Variants in ANKRD13C observed in about 807,000 individuals in gnomAD.
The protein encoded by ANKRD13C is ankyrin repeat domain-containing protein 13C.
Under a neutral mutation model 65.5 loss-of-function variants are expected in ANKRD13C, and 16 were observed. The observed-to-expected ratio is 0.24, with a 90% CI of 0.17 to 0.37. The LOEUF (loss-of-function observed/expected upper bound fraction) is 0.37. Ranked by LOEUF, ANKRD13C falls within the 10% of genes least tolerant of loss-of-function variation. The pLI is 1.00. For missense variants in ANKRD13C, 503 were observed against 655.9 expected, an observed-to-expected ratio of 0.77 and a Z score of 2.55; for synonymous variants, 235 against 238.7, an observed-to-expected ratio of 0.98 and a Z score of 0.14.
chr1:70,272,237 T>C (rs1041135002), intron 11 of ANKRD13C, among the ~76,000 whole-genome samples: 3 of 152,078 alleles, frequency 2.0e-5, no homozygotes, highest in Non-Finnish European at 4.4e-5. Context: ...ATTTCTTTTT[T>C]TTTTTGAGAT....
intron 1 of ANKRD13C, among the ~76,000 whole-genome samples, chr1:70,341,150 T>G (rs1393243933): frequency 2.0e-5 from 3 of 152,116 alleles, no homozygotes; most frequent in African/African-American, 7.2e-5. Context: ...TATACCAACT[T>G]TTTTGAATTG....
chr1:70,271,966 TCA>T (rs1442146263), intron 11 of ANKRD13C, among the ~76,000 whole-genome samples: 1 of 152,224 alleles, frequency 6.6e-6, no homozygotes, highest in Non-Finnish European at 1.5e-5. Context: ...AATTTAATTT[TCA>T]GTTACATCGA....
chr1:70,312,856 CAT>C (rs972775793), intron 5 of ANKRD13C, among the ~76,000 whole-genome samples: 2 of 145,950 alleles, frequency 1.4e-5, no homozygotes, highest in Non-Finnish European at 3.0e-5. Context: ...CTAGTGGACT[CAT>C]GTTTAAAATG....
In ANKRD13C at chr1:70,259,469, A is replaced by T. The variant is rs889421347; in HGVS notation, c.*3248T>A. 1.1e-4 allele frequency among the ~76,000 whole-genome samples: 16 copies of T among 152,326 alleles called. No homozygotes were observed. In the East Asian group the frequency reaches 3.1e-3, roughly 29 times the overall value. ...CTTCTAAAATGAACTGTAACAATTA[A>T]AAAGCTCATCACAAGGTAAGCTCAC... is the stretch of plus-strand genomic sequence containing the variant. On this transcript the variant is annotated 3_prime_UTR_variant, in exon 13 of 13. Transcript: ENST00000370944.
At chr1:70,320,058 G>A (rs1681240693) in intron 3 of ANKRD13C, among the ~76,000 whole-genome samples, 1 of 152,204 alleles carries the variant, frequency 6.6e-6, no homozygotes, top group Non-Finnish European at 1.5e-5. Context: ...GAGATCTGAA[G>A]AATCTTAAGG....
At chr1:70,293,096 A>G (rs768337319) in intron 8 of ANKRD13C, among the ~76,000 whole-genome samples, 6 of 152,190 alleles carry the variant, frequency 3.9e-5, no homozygotes, top group Non-Finnish European at 7.3e-5. Flanking sequence ...GCCTGTTTTC[A>G]ACAAAGAAAA....
At chr1:70,317,504 G>A (rs574190287) in intron 3 of ANKRD13C, among the ~76,000 whole-genome samples, 47 of 151,890 alleles carry the variant, frequency 3.1e-4, no homozygotes, top group African/African-American at 1.1e-3. Context: ...AGTAGTTATC[G>A]TTTTTATAAA....
chr1:70,299,665 T>C (rs1316936173), intron 7 of ANKRD13C, among the ~76,000 whole-genome samples: 2 of 152,204 alleles, frequency 1.3e-5, no homozygotes, highest in Admixed American at 1.3e-4. Context: ...CTCCTAGGTT[T>C]CTAACTGAAT....
chr1:70,331,820 C>CA (rs10526340), intron 2 of ANKRD13C, among the ~76,000 whole-genome samples: 37,578 of 68,206 alleles, frequency 0.55, 10,295 homozygotes, highest in Non-Finnish European at 0.58. Context: ...AGACTCGACT[C>CA]AAAAAAAAAA....
At chr1:70,293,476 C>G in intron 8 of ANKRD13C, 1 of 838,716 alleles carries the variant, frequency 1.2e-6, no homozygotes, top group Non-Finnish European at 1.4e-6. Flanking sequence ...AAAATGGGAA[C>G]CATAAGTATT....
chr1:70,318,856 T>C (rs775244594), intron 3 of ANKRD13C, among the ~76,000 whole-genome samples: 46 of 152,052 alleles, frequency 3.0e-4, no homozygotes, highest in Non-Finnish European at 6.0e-4. Flanking sequence ...CTAATTTTTG[T>C]ATTTTTAGTA....
At chr1:70,352,709 C>T (rs1682799590) in intron 1 of ANKRD13C, among the ~76,000 whole-genome samples, 1 of 152,138 alleles carries the variant, frequency 6.6e-6, no homozygotes, top group South Asian at 2.1e-4. Context: ...CATAGAATTA[C>T]CATCATCAAC....
intron 10 of ANKRD13C, 135 bp downstream of exon 10, chr1:70,276,630 T>C (rs1430470541): frequency 5.5e-6 from 4 of 724,762 alleles, no homozygotes; most frequent in South Asian, 1.8e-5. Flanking sequence ...TTTTAAAAGG[T>C]AGAAGAATTG....
At chr1:70,264,474 T>TTA (rs1678522501) in intron 12 of ANKRD13C, among the ~76,000 whole-genome samples, 1 of 57,204 alleles carries the variant, frequency 1.7e-5, no homozygotes, top group Non-Finnish European at 3.1e-5. Context: ...AGACTCTATC[T>TTA]CAAAAAAAAA....
chr1:70,289,270 A>C (rs921417241), intron 9 of ANKRD13C, among the ~76,000 whole-genome samples: 5 of 152,164 alleles, frequency 3.3e-5, no homozygotes, highest in African/African-American at 1.2e-4. Flanking sequence ...GGCTGCTTAA[A>C]ATGCTACTTA....
chr1:70,330,574 C>CA (rs71071394), intron 2 of ANKRD13C, among the ~76,000 whole-genome samples: 14,582 of 68,256 alleles, frequency 0.21, 1,211 homozygotes, highest in African/African-American at 0.32. Context: ...ACAAACAAAC[C>CA]AAAAAAAAAA....
intron 12 of ANKRD13C, among the ~76,000 whole-genome samples, chr1:70,266,194 A>G (rs898522216): frequency 2.6e-5 from 4 of 152,172 alleles, no homozygotes; most frequent in Non-Finnish European, 5.9e-5. Context: ...TCACTGCCAC[A>G]GTTGTTTTCA....
intron 2 of ANKRD13C, among the ~76,000 whole-genome samples, chr1:70,325,353 T>G (rs888467616): frequency 2.0e-5 from 3 of 152,236 alleles, no homozygotes; most frequent in Non-Finnish European, 4.4e-5. Context: ...TGTCAAATAG[T>G]AAGTTCATTT....
At chr1:70,339,534 G>A (rs1273133042) in intron 1 of ANKRD13C, among the ~76,000 whole-genome samples, 2 of 151,772 alleles carry the variant, frequency 1.3e-5, no homozygotes, top group East Asian at 3.9e-4. Context: ...GCCCAGGCTG[G>A]TCTCAAATTC....
Sources: gnomAD v4.1 joint callset for allele counts (sites outside exome capture counted in the v4.1 genomes callset) on GRCh38, gnomAD v4.1.1 for gene constraint, MANE v1.5 for transcripts, NCBI Gene and HGNC (gene_info 2026-07-23, HGNC 2026-07-21) for gene names.